Variants in IQCH observed in about 807,000 individuals in gnomAD.
IQCH encodes IQ domain-containing protein H.
In IQCH, 98 loss-of-function variants were observed where a neutral mutation model predicts 117.0. The observed-to-expected ratio is 0.84, with a 90% confidence interval of 0.71 to 0.99. The LOEUF is 0.99. IQCH is among the 50% of genes least tolerant of loss of function. IQCH has a pLI of 0.00. For synonymous variants in IQCH, 412 were observed against 448.2 expected (o/e 0.92, Z 1.02); for missense variants, 1,102 against 1,243.8 (o/e 0.89, Z 1.72).
intron 17 of IQCH, among the ~76,000 whole-genome samples, chr15:67,471,407 G>T (rs2083068509): frequency 6.6e-6 from 1 of 152,034 alleles, no homozygotes; most frequent in South Asian, 2.1e-4. Flanking sequence ...TTTGTATAAT[G>T]CTTTATACTT....
At position 67,486,043 on chromosome 15, in the gene IQCH, T is replaced by TC. The variant is rs1208518130; in HGVS notation, c.2800-3960_2800-3959insC. On this transcript the variant is annotated intron_variant, in intron 18 of 20. Transcript: ENST00000335894. ...AAGACTGCTAGCTAAGTTTTCTTTT[T>TC]TTTTTTTTTTTTTTTGAGATAGAGT... Among the ~76,000 whole-genome samples the TC allele has an allele frequency of 3.7e-4, 54 of 145,848 alleles. 1 individual carries two copies. Among genetic ancestry groups the TC allele is most frequent in the Admixed American group, 3.2e-3 (47 of 14,630 alleles).
At chr15:67,438,816 G>A (rs895163906) in intron 16 of IQCH, among the ~76,000 whole-genome samples, 6 of 152,194 alleles carry the variant, frequency 3.9e-5, no homozygotes, top group African/African-American at 1.4e-4. Context: ...AAAGAGGGAT[G>A]TTATATAATG....
chr15:67,494,473 G>C lies in IQCH; in HGVS notation c.2970+107G>C, dbSNP rs919632728. 1.3e-5 allele frequency: 9 copies of C among 704,088 alleles called. No individual in the cohort carries two copies. Among genetic ancestry groups the C allele is most frequent in the South Asian group, 4.0e-5 (2 of 50,436 alleles). The allele number at this position is 704,088 out of a possible 1,614,324, so 43.6% of individuals were successfully genotyped here. ...CTAAACCATCTTTTTTTTATTGTAA[G>C]CAGTACATATTTTACAGTGTGCAGG... is the stretch of plus-strand genomic sequence containing the variant. On this transcript the variant is annotated intron_variant, in intron 20 of 20. Coordinates refer to ENST00000335894, the MANE Select transcript of IQCH (RefSeq NM_001031715.3). This position sits in a 1 kb window ranked among gnomAD's most constrained non-coding sequence, Gnocchi z 5.5.
intron 18 of IQCH, among the ~76,000 whole-genome samples, chr15:67,478,113 G>A (rs772480442): frequency 1.3e-5 from 2 of 151,950 alleles, no homozygotes; most frequent in African/African-American, 2.4e-5. Context: ...GGCTGGGCAC[G>A]GTGGCTCATG....
chr15:67,382,027 G>A (rs959917528), intron 10 of IQCH, among the ~76,000 whole-genome samples: 8 of 152,016 alleles, frequency 5.3e-5, no homozygotes, highest in South Asian at 2.1e-4. Context: ...GGCTTCACAC[G>A]TGTTTCATTC....
intron 16 of IQCH, among the ~76,000 whole-genome samples, chr15:67,434,981 A>G (rs1211580686): frequency 5.7e-5 from 5 of 87,880 alleles, no homozygotes; most frequent in African/African-American, 1.5e-4. Flanking sequence ...TGTATTTTGT[A>G]TCTTTGTTTT....
rs938849367 is a variant in IQCH, at chr15:67,261,355, T to G, written c.135T>G (p.Ser45Arg). The stretch of plus-strand genomic sequence containing the variant: ...AAGGAGAGACTCTAGACATTCAGAG[T>G]CTTGAAACAGCAATCAAAAGGACTG... ...EEKGETLDIQSLETAIKRTEV... is the reference protein window; with the variant it reads ...EEKGETLDIQRLETAIKRTEV... The change falls in exon 2 of 21, where the codon AGT (serine) becomes AGG (arginine). Residue 45 changes from serine (S) to arginine (R), a missense_variant. Physicochemically the swap from Ser to Arg is moderately radical, Grantham distance 110 (BLOSUM62 -1). Coordinates refer to ENST00000335894, the MANE Select transcript of IQCH (RefSeq NM_001031715.3). 3 of 1,592,654 alleles carry G rather than the reference T, an allele frequency of 1.9e-6. No homozygotes were observed. Among genetic ancestry groups the G allele is most frequent in the Non-Finnish European group, 2.6e-6 (3 of 1,174,068 alleles).
intron 5 of IQCH, among the ~76,000 whole-genome samples, chr15:67,343,357 TAAC>T (rs1422615762): frequency 6.6e-6 from 1 of 152,216 alleles, no homozygotes; most frequent in Non-Finnish European, 1.5e-5. Context: ...AGATCCACCT[TAAC>T]AAAAGTTTTC....
At chr15:67,478,300 G>A (rs1202706781) in intron 18 of IQCH, among the ~76,000 whole-genome samples, 1 of 151,934 alleles carries the variant, frequency 6.6e-6, no homozygotes, top group African/African-American at 2.4e-5. Context: ...CAGAAGAATC[G>A]CTTGAACCTA....
intron 14 of IQCH, among the ~76,000 whole-genome samples, chr15:67,409,740 G>A (rs2081397105): frequency 6.6e-6 from 1 of 152,228 alleles, no homozygotes; most frequent in African/African-American, 2.4e-5. Flanking sequence ...GCCGCTTTCA[G>A]CAGATGGAGC....
chr15:67,359,668 C>T lies in IQCH; in HGVS notation c.715-179C>T, dbSNP rs4319709. ...AAACGGGGCTTGGCAAACAGAGCAT[C>T]GTTGTCAGTGTGGGAAAGGTCTTTC... is the stretch of plus-strand genomic sequence containing the variant. On this transcript the variant is annotated intron_variant, in intron 7 of 20. Coordinates refer to ENST00000335894, the MANE Select transcript of IQCH (RefSeq NM_001031715.3). This position sits in a 1 kb window ranked among gnomAD's most constrained non-coding sequence, Gnocchi z 4.5. Among the ~76,000 whole-genome samples, 3,017 of 152,272 alleles carry T rather than the reference C, an allele frequency of 0.02. 86 individuals are homozygous for T. Among genetic ancestry groups the T allele is most frequent in the African/African-American group, 0.065 (2,698 of 41,524 alleles).
intron 18 of IQCH, among the ~76,000 whole-genome samples, chr15:67,487,907 AC>A (rs2083535738): frequency 6.6e-6 from 1 of 152,000 alleles, no homozygotes; most frequent in South Asian, 2.1e-4. Context: ...CTCCAGGGTT[AC>A]CTCTTATTTA....
intron 10 of IQCH, among the ~76,000 whole-genome samples, chr15:67,378,057 A>G (rs930169110): frequency 6.6e-6 from 1 of 152,126 alleles, no homozygotes; most frequent in Non-Finnish European, 1.5e-5. Flanking sequence ...TTTGTGTGCA[A>G]CCGATCATAT....
chr15:67,379,151 A>G (rs964402722), intron 10 of IQCH, among the ~76,000 whole-genome samples: 2 of 152,326 alleles, frequency 1.3e-5, no homozygotes, highest in East Asian at 1.9e-4. Flanking sequence ...TTGGATTCTC[A>G]TATCTGCTTC....
chr15:67,340,809 A>G (rs1430332040), intron 5 of IQCH, among the ~76,000 whole-genome samples: 1 of 152,250 alleles, frequency 6.6e-6, no homozygotes, highest in Non-Finnish European at 1.5e-5. Flanking sequence ...ACAGGAAAAC[A>G]TTCTGCACTC....
intron 10 of IQCH, chr15:67,373,797 C>G (rs1596279236): frequency 3.0e-6 from 1 of 335,298 alleles, no homozygotes; most frequent in Non-Finnish European, 5.5e-6. Context: ...GCTGTTACGC[C>G]AATAAGCCAG....
chr15:67,427,352 A>T lies in IQCH; in HGVS notation c.2505+5775A>T, dbSNP rs1432160320. ...ATACTCTTCATCATACTAAAGTTTC[A>T]TATAGTCAAATCCAGCTGTTTTTCT... On this transcript the variant is annotated intron_variant, in intron 16 of 20. Transcript: ENST00000335894. This position sits in a 1 kb window ranked among gnomAD's most constrained non-coding sequence, Gnocchi z 4.7. Among the ~76,000 whole-genome samples, 3 of 152,000 alleles carry T rather than the reference A, an allele frequency of 2.0e-5. No individual in the cohort carries two copies. Among genetic ancestry groups the T allele is most frequent in the Non-Finnish European group, 4.4e-5 (3 of 67,998 alleles).
At chr15:67,280,444 A>G (rs1899910056) in intron 4 of IQCH, among the ~76,000 whole-genome samples, 1 of 152,234 alleles carries the variant, frequency 6.6e-6, no homozygotes, top group Non-Finnish European at 1.5e-5. Flanking sequence ...TCAAAGGTCA[A>G]GGTGCCGGCA....
chr15:67,383,069 C>T (rs1293784154), intron 10 of IQCH, among the ~76,000 whole-genome samples: 1 of 151,682 alleles, frequency 6.6e-6, no homozygotes, highest in Non-Finnish European at 1.5e-5. Flanking sequence ...TGCGTTGTAT[C>T]TTGTCCATGT....
Sources: allele counts gnomAD v4.1 joint callset (sites outside exome capture counted in the v4.1 genomes callset), GRCh38; gene constraint gnomAD v4.1.1; non-coding constraint Gnocchi (gnomAD v3.1); transcripts MANE v1.5; gene names NCBI Gene and HGNC (gene_info 2026-07-23, HGNC 2026-07-21).